Variants in ZNF385B observed in about 807,000 individuals in gnomAD.
ZNF385B encodes the protein zinc finger protein 385B, also known as zinc finger protein 533.
A neutral mutation model predicts 39.2 loss-of-function variants in ZNF385B; 23 were observed. The ratio of observed to expected loss-of-function variants is 0.59; its 90% CI spans 0.42 to 0.83. The LOEUF (loss-of-function observed/expected upper bound fraction) is 0.83. ZNF385B is among the 40% of genes least tolerant of loss of function. The probability of loss-of-function intolerance (pLI) is 0.00; values close to 1 mark genes in which losing one functional copy is unlikely to be tolerated. For synonymous variants in ZNF385B, 205 were observed against 222.6 expected, an observed-to-expected ratio of 0.92 and a Z score of 0.70; for missense variants, 552 against 598.9, an observed-to-expected ratio of 0.92 and a Z score of 0.82.
intron 9 of ZNF385B, among the ~76,000 whole-genome samples, chr2:179,444,126 G>A (rs2105525250): frequency 6.6e-6 from 1 of 152,312 alleles, no homozygotes; most frequent in East Asian, 1.9e-4. Context: ...CTTGCAATCA[G>A]GAGGAGCATT....
chr2:179,573,038 A>G (rs1000298463), intron 3 of ZNF385B, among the ~76,000 whole-genome samples: 1 of 152,346 alleles, frequency 6.6e-6, no homozygotes, highest in Non-Finnish European at 1.5e-5. Flanking sequence ...TGATTTTCAG[A>G]TATTTCAAAT....
chr2:179,574,714 T>C (rs1001972702), intron 3 of ZNF385B, among the ~76,000 whole-genome samples: 12 of 152,176 alleles, frequency 7.9e-5, no homozygotes, highest in Non-Finnish European at 1.6e-4. Context: ...TCACATAGCA[T>C]AGATTGTGAA....
chr2:179,737,726 T>C (rs976523981), intron 3 of ZNF385B, among the ~76,000 whole-genome samples: 4 of 152,218 alleles, frequency 2.6e-5, no homozygotes, highest in Non-Finnish European at 5.9e-5. Context: ...CAAAAACCTT[T>C]ATATATATTA....
intron 5 of ZNF385B, among the ~76,000 whole-genome samples, chr2:179,507,504 C>T (rs2057338994): frequency 1.3e-5 from 2 of 152,154 alleles, no homozygotes. Flanking sequence ...CAAATGATAG[C>T]TTTCCACTTG....
At chr2:179,533,392 A>T (rs1030803836) in intron 4 of ZNF385B, among the ~76,000 whole-genome samples, 5 of 152,158 alleles carry the variant, frequency 3.3e-5, no homozygotes, top group African/African-American at 7.2e-5. Flanking sequence ...GTAATTTAAA[A>T]TTTTTTATTT....
chr2:179,745,631 C>A, intron 3 of ZNF385B: 1 of 1,289,206 alleles, frequency 7.8e-7, no homozygotes. Flanking sequence ...GAGGACTCCA[C>A]AGGATTCAGC....
chr2:179,760,830 G>A (rs924422157), intron 3 of ZNF385B, among the ~76,000 whole-genome samples: 26 of 152,070 alleles, frequency 1.7e-4, no homozygotes, highest in African/African-American at 6.3e-4. Context: ...CACAGGCCCA[G>A]GAATTCTAGG....
At chr2:179,497,363 C>T (rs1285067102) in intron 5 of ZNF385B, among the ~76,000 whole-genome samples, 1 of 151,772 alleles carries the variant, frequency 6.6e-6, no homozygotes, top group Non-Finnish European at 1.5e-5. Flanking sequence ...AGACATAGTA[C>T]AATAAGATAT....
chr2:179,456,780 T>C (rs1318435252), intron 6 of ZNF385B, among the ~76,000 whole-genome samples: 1 of 152,172 alleles, frequency 6.6e-6, no homozygotes, highest in African/African-American at 2.4e-5. Flanking sequence ...AATCAACCAC[T>C]CATAGTAATT....
At chr2:179,501,798 A>G (rs1040897691) in intron 5 of ZNF385B, among the ~76,000 whole-genome samples, 4 of 152,172 alleles carry the variant, frequency 2.6e-5, no homozygotes, top group Non-Finnish European at 4.4e-5. Flanking sequence ...ATTCTCCACA[A>G]TGTGCTTATT....
At chr2:179,565,334 T>C (rs1684433260) in intron 3 of ZNF385B, among the ~76,000 whole-genome samples, 1 of 152,172 alleles carries the variant, frequency 6.6e-6, no homozygotes, top group Non-Finnish European at 1.5e-5. Context: ...TCATATCTCA[T>C]GAGGAGCTCT....
intron 3 of ZNF385B, among the ~76,000 whole-genome samples, chr2:179,649,606 A>G (rs1479112360): frequency 6.6e-6 from 1 of 152,230 alleles, no homozygotes; most frequent in African/African-American, 2.4e-5. Flanking sequence ...CAGATATAGT[A>G]CTAAGTAAAA....
At chr2:179,487,017 G>A (rs1487249586) in intron 5 of ZNF385B, among the ~76,000 whole-genome samples, 1 of 152,196 alleles carries the variant, frequency 6.6e-6, no homozygotes, top group Non-Finnish European at 1.5e-5. Context: ...ATCTTTCACA[G>A]TACACTAAAT....
chr2:179,607,920 T>C (rs1688954097), intron 3 of ZNF385B, among the ~76,000 whole-genome samples: 1 of 149,174 alleles, frequency 6.7e-6, no homozygotes, highest in Non-Finnish European at 1.5e-5. Flanking sequence ...TTTTTTTTTT[T>C]TTTTTTTTTT....
At chr2:179,812,640 A>T (rs1453223499) in intron 1 of ZNF385B, among the ~76,000 whole-genome samples, 1 of 152,206 alleles carries the variant, frequency 6.6e-6, no homozygotes, top group Admixed American at 6.5e-5. Context: ...GGCAACCACT[A>T]GAGCACAGAG....
intron 1 of ZNF385B, among the ~76,000 whole-genome samples, chr2:179,806,805 A>G (rs914309960): frequency 6.6e-6 from 1 of 152,192 alleles, no homozygotes; most frequent in Non-Finnish European, 1.5e-5. Flanking sequence ...ACCCAATACT[A>G]TTATTGCCTC....
At chr2:179,445,315 G>T (rs3817351) in intron 8 of ZNF385B, among the ~76,000 whole-genome samples, 2 of 151,876 alleles carry the variant, frequency 1.3e-5, no homozygotes, top group African/African-American at 2.4e-5. Context: ...AGTGACTACT[G>T]TTCCTATCTC....
At chr2:179,804,030 G>A (rs1243063735) in intron 1 of ZNF385B, among the ~76,000 whole-genome samples, 1 of 152,104 alleles carries the variant, frequency 6.6e-6, no homozygotes, top group Admixed American at 6.5e-5. Context: ...AGCAGCTCTG[G>A]CAACTGTGTT....
chr2:179,724,876 T>C (rs1448260192), intron 3 of ZNF385B, among the ~76,000 whole-genome samples: 1 of 152,168 alleles, frequency 6.6e-6, no homozygotes, highest in Non-Finnish European at 1.5e-5. Flanking sequence ...CACAAATAAA[T>C]GAATGATTTT....
Sources: allele counts gnomAD v4.1 joint callset (sites outside exome capture counted in the v4.1 genomes callset), GRCh38; gene constraint gnomAD v4.1.1; transcripts MANE v1.5; gene names NCBI Gene and HGNC (gene_info 2026-07-23, HGNC 2026-07-21).